The following CCDC6 variants were observed in gnomAD, a reference collection of about 807,000 sequenced individuals.
CCDC6 encodes coiled-coil domain-containing protein 6.
Under a neutral mutation model 56.6 loss-of-function variants are expected in CCDC6, and 20 were observed. The ratio of observed to expected loss-of-function variants is 0.35; its 90% confidence interval spans 0.25 to 0.51. CCDC6 has a LOEUF of 0.51. Among genes scored for constraint, CCDC6 ranks in the 20% least tolerant of loss-of-function variants. The pLI, the probability that CCDC6 is intolerant of heterozygous loss-of-function variation, is 0.95. For synonymous variants in CCDC6, 241 were observed against 234.4 expected (o/e 1.03, Z -0.26); for missense variants, 367 against 601.1 (o/e 0.61, Z 4.07).
intron 1 of CCDC6, among the ~76,000 whole-genome samples, chr10:59,865,852 C>CAAAAAAAAAAAAAAAAAAAAAAAAAA (rs777021321): frequency 7.0e-5 from 4 of 57,038 alleles, no homozygotes; most frequent in African/African-American, 2.9e-4. Context: ...TCCATCTCCA[C>CAAAAAAAAAAAAAAAAAAAAAAAAAA]AAAAAAAAAA....
At chr10:59,830,419 C>T (rs1010339360) in intron 3 of CCDC6, among the ~76,000 whole-genome samples, 1 of 152,110 alleles carries the variant, frequency 6.6e-6, no homozygotes, top group Admixed American at 6.5e-5. Flanking sequence ...CCCCTAAATG[C>T]TGATTAAAAT....
At chr10:59,801,582 A>G (rs2070575088) in intron 7 of CCDC6, among the ~76,000 whole-genome samples, 1 of 152,158 alleles carries the variant, frequency 6.6e-6, no homozygotes, top group African/African-American at 2.4e-5. Flanking sequence ...TTACAGTCGC[A>G]TATCCCACAT....
chr10:59,900,288 G>C (rs1564760988), intron 1 of CCDC6, among the ~76,000 whole-genome samples: 1 of 152,138 alleles, frequency 6.6e-6, no homozygotes, highest in Non-Finnish European at 1.5e-5. Context: ...CTGACAAAGA[G>C]GAAGTATCAG....
rs1564755820 is a variant in CCDC6, at chr10:59,882,047, C to CGGCGGGAGA, written c.303+24074_303+24075insTCTCCCGCC. Among the ~76,000 whole-genome samples the CGGCGGGAGA allele has an allele frequency of 2.4e-3, 199 of 83,724 alleles. 56 individuals are homozygous for CGGCGGGAGA. The highest frequency in any genetic ancestry group is 0.019 in the Middle Eastern group (2 of 108). The allele number at this position is 83,724 out of a possible 152,430, so 54.9% of individuals were successfully genotyped here. A position where few individuals can be genotyped will look rare whatever the true frequency, so the allele number is the denominator to read the frequency against. On this transcript the variant is annotated intron_variant, in intron 1 of 8. Coordinates refer to ENST00000263102, the MANE Select transcript of CCDC6 (RefSeq NM_005436.5). The stretch of plus-strand genomic sequence containing the variant: ...GCCGCGGGGAGAAGGAAAGGAAAGC[C>CGGCGGGAGA]AGGGGGAGAAGGAAAGGAAAGCCGC...
At chr10:59,861,253 C>T (rs371331057) in intron 1 of CCDC6, among the ~76,000 whole-genome samples, 101 of 151,934 alleles carry the variant, frequency 6.6e-4, no homozygotes, top group African/African-American at 2.3e-3. Context: ...ACTTACTCAG[C>T]AGGCTGAGAT....
chr10:59,820,576 G>A (rs12244844), intron 3 of CCDC6, among the ~76,000 whole-genome samples: 26,376 of 151,760 alleles, frequency 0.17, 3,085 homozygotes, highest in African/African-American at 0.33. Flanking sequence ...GTGAGATCCC[G>A]TCTCTACAAA....
chr10:59,875,267 C>A (rs1627130), intron 1 of CCDC6, among the ~76,000 whole-genome samples: 115,099 of 151,540 alleles, frequency 0.76, 43,941 homozygotes, highest in East Asian at 0.9. Context: ...ATATAATGAA[C>A]CTGTTTTCCA....
chr10:59,849,279 T>C (rs1179058579), intron 2 of CCDC6, among the ~76,000 whole-genome samples: 3 of 152,170 alleles, frequency 2.0e-5, no homozygotes, highest in Non-Finnish European at 4.4e-5. Flanking sequence ...CAATTTTGTG[T>C]CTGTACTGGA....
chr10:59,840,465 T>A (rs995362012), intron 2 of CCDC6, among the ~76,000 whole-genome samples: 1 of 152,210 alleles, frequency 6.6e-6, no homozygotes, highest in Admixed American at 6.5e-5. Flanking sequence ...TTCCTTATGA[T>A]ATGTCTCTGG....
chr10:59,885,477 A>G (rs2071374873), intron 1 of CCDC6, among the ~76,000 whole-genome samples: 1 of 152,186 alleles, frequency 6.6e-6, no homozygotes, highest in African/African-American at 2.4e-5. Flanking sequence ...TTACCCCTTG[A>G]ATTAAATTCA....
intron 2 of CCDC6, among the ~76,000 whole-genome samples, chr10:59,851,599 A>C (rs912329895): frequency 1.1e-4 from 16 of 152,212 alleles, no homozygotes; most frequent in African/African-American, 3.9e-4. Context: ...TTACAGGATC[A>C]TCTATGTGGG....
In CCDC6 at chr10:59,868,644, T is replaced by TCC. The variant is rs541188554; in HGVS notation, c.304-15944_304-15943dup. On this transcript the variant is annotated intron_variant, in intron 1 of 8. Transcript: ENST00000263102. The stretch of plus-strand genomic sequence containing the variant: ...TTTAACTTTATTCTTCACGCTTTCC[T>TCC]CCCCTTCTCTTTCATGGCTCACTGT... Among the ~76,000 whole-genome samples the TCC allele has an allele frequency of 4.6e-5, 7 of 152,326 alleles. No individual in the cohort carries two copies. In the East Asian group the frequency reaches 1.2e-3, roughly 25 times the overall value.
chr10:59,900,410 T>C lies in CCDC6; in HGVS notation c.303+5712A>G, dbSNP rs529495870. On this transcript the variant is annotated intron_variant, in intron 1 of 8. Transcript: ENST00000263102. ...ACATTTAAGGGGACGAGCGGCACCA[T>C]TGAGGAGCCAGAGGAAATCTACTGA... 1.1e-3 allele frequency among the ~76,000 whole-genome samples: 168 copies of C among 152,196 alleles called. 1 individual carries two copies. The highest frequency in any genetic ancestry group is 3.9e-3 in the African/African-American group (162 of 41,540).
chr10:59,793,964 T>C (rs1403363816), intron 8 of CCDC6, among the ~76,000 whole-genome samples: 1 of 152,206 alleles, frequency 6.6e-6, no homozygotes, highest in East Asian at 1.9e-4. Context: ...GCTACATTTC[T>C]AATGGCTCTA....
At chr10:59,833,582 T>C (rs76102655) in intron 2 of CCDC6, among the ~76,000 whole-genome samples, 2,021 of 128,688 alleles carry the variant, frequency 0.016, 17 homozygotes, top group Non-Finnish European at 0.023. Context: ...AGTGGACCCA[T>C]AGGGACTTGG....
In CCDC6 at chr10:59,789,355, C is replaced by T. The variant is rs1301816712; in HGVS notation, c.*3562G>A. ...CTCATGAGAGGCAACCTGGGCTTGG[C>T]AGTTAATCAGAACTGCTGAGCATTC... On this transcript the variant is annotated 3_prime_UTR_variant, in exon 9 of 9. Transcript: ENST00000263102. 8.7e-6 allele frequency: 2 copies of T among 229,750 alleles called. No homozygotes were observed. Among genetic ancestry groups the T allele is most frequent in the Non-Finnish European group, 1.7e-5 (2 of 116,104 alleles). 14.2% of individuals were successfully genotyped at this position (229,750 alleles called of 1,614,324 possible).
chr10:59,882,002 CTGGGGAGA>C (rs2071340082), intron 1 of CCDC6, among the ~76,000 whole-genome samples: 1 of 112,074 alleles, frequency 8.9e-6, no homozygotes, highest in Non-Finnish European at 1.8e-5. Context: ...AGAAGGAAAG[CTGGGGAGA>C]AGGAAAGGAA....
chr10:59,893,143 A>G (rs751010843), intron 1 of CCDC6, among the ~76,000 whole-genome samples: 2 of 152,238 alleles, frequency 1.3e-5, no homozygotes, highest in African/African-American at 2.4e-5. Flanking sequence ...TTCAAACACT[A>G]GCAAAACAAA....
At position 59,852,691 on chromosome 10, in the gene CCDC6, A is replaced by G; in HGVS notation, c.315T>C (p.Ala105=). ...RKASVTIQAR[A]EQEEEFISNT... ...TACTAATGAATTCTTCTTCCTGCTCAGCCCTGGCTTGCTGTTTAAAAAAAA... is the reference window on the plus strand; with the variant it reads ...TACTAATGAATTCTTCTTCCTGCTCGGCCCTGGCTTGCTGTTTAAAAAAAA... The change falls in exon 2 of 9, where the codon GCT becomes GCC. Residue 105 remains alanine, a synonymous_variant. Coordinates refer to ENST00000263102, the MANE Select transcript of CCDC6 (RefSeq NM_005436.5). The G allele has an allele frequency of 6.4e-7, 1 of 1,557,626 alleles. No individual in the cohort carries two copies. The highest frequency in any genetic ancestry group is 8.6e-7 in the Non-Finnish European group (1 of 1,161,742).
Sources: gnomAD v4.1 joint callset for allele counts (sites outside exome capture counted in the v4.1 genomes callset) on GRCh38, gnomAD v4.1.1 for gene constraint, MANE v1.5 for transcripts, NCBI Gene and HGNC (gene_info 2026-07-23, HGNC 2026-07-21) for gene names.